Variants in RPL36AL observed in about 807,000 individuals in gnomAD.
The protein encoded by RPL36AL is ribosomal protein eL42-like.
RPL36AL carries 8 observed loss-of-function variants against 7.9 expected under a neutral mutation model. That is an observed-to-expected ratio of 1.02 (90% CI 0.60 to 1.84). The LOEUF (loss-of-function observed/expected upper bound fraction) is 1.84. Ranked by LOEUF, RPL36AL falls within the 40% of genes most tolerant of loss-of-function variation. The pLI, the probability that RPL36AL is intolerant of heterozygous loss-of-function variation, is 0.00. For synonymous variants in RPL36AL, 44 were observed against 44.8 expected (o/e 0.98, Z 0.07); for missense variants, 76 against 126.8 (o/e 0.60, Z 1.93).
At chr14:49,620,295 C>A (rs1882795307) in intron 1 of RPL36AL, among the ~76,000 whole-genome samples, 1 of 152,146 alleles carries the variant, frequency 6.6e-6, no homozygotes, top group Non-Finnish European at 1.5e-5. Flanking sequence ...AGAACCACAT[C>A]AGCGTAGTAT....
At chr14:49,619,185 C>T (rs1160888210) in intron 1 of RPL36AL, 45 bp from the exon 2 acceptor site, 19 of 1,334,600 alleles carry the variant, frequency 1.4e-5, no homozygotes, top group South Asian at 5.7e-5. Flanking sequence ...TTAAACATTC[C>T]GAAAAGTGAA....
Position 49,618,604 on chromosome 14 carries a change from A to G in RPL36AL, c.*180T>C, listed in dbSNP as rs1882735143. On this transcript the variant is annotated 3_prime_UTR_variant, in exon 2 of 2. Coordinates refer to ENST00000298289, the MANE Select transcript of RPL36AL (RefSeq NM_001001.5). ...AGTAGTAAAGTAGTATTTTCCCTTC[A>G]TACATATATAAACTTGTTAGTAAAG... 1.7e-6 allele frequency: 1 copy of G among 591,120 alleles called. No homozygotes were observed. The highest frequency in any genetic ancestry group is 2.1e-5 in the South Asian group (1 of 46,794). 36.6% of individuals were successfully genotyped at this position (591,120 alleles called of 1,614,324 possible).
rs754970382 is a variant in RPL36AL, at chr14:49,618,757, CA to C, written c.*26del. The C allele has an allele frequency of 5.1e-6, 8 of 1,580,076 alleles. No individual in the cohort carries two copies. The highest frequency in any genetic ancestry group is 6.9e-6 in the Non-Finnish European group (8 of 1,157,666). Reference sequence around the variant, plus strand: ...TTCTATGGCTTCACCATTTTCTCTTCAAAATTGAAGAAAAATATCCCAAAGT... The same window carrying C: ...TTCTATGGCTTCACCATTTTCTCTTCAAATTGAAGAAAAATATCCCAAAGT... On this transcript the variant is annotated 3_prime_UTR_variant, in exon 2 of 2. Transcript: ENST00000298289.
chr14:49,620,021 G>C (rs1882786897), intron 1 of RPL36AL, among the ~76,000 whole-genome samples: 1 of 152,060 alleles, frequency 6.6e-6, no homozygotes, highest in African/African-American at 2.4e-5. Context: ...TTCTCATATA[G>C]AACAAGACTC....
chr14:49,620,298 C>T (rs1158933731), intron 1 of RPL36AL, among the ~76,000 whole-genome samples: 1 of 152,090 alleles, frequency 6.6e-6, no homozygotes, highest in Non-Finnish European at 1.5e-5. Context: ...ACCACATCAG[C>T]GTAGTATCAC....
At chr14:49,620,098 A>G (rs1882789106) in intron 1 of RPL36AL, among the ~76,000 whole-genome samples, 1 of 152,170 alleles carries the variant, frequency 6.6e-6, no homozygotes, top group African/African-American at 2.4e-5. Flanking sequence ...AATGAGTTTA[A>G]TTTATTGTGA....
Position 49,618,615 on chromosome 14 carries a change from A to G in RPL36AL, c.*169T>C, listed in dbSNP as rs1882735377. 1.6e-6 allele frequency: 1 copy of G among 606,358 alleles called. No individual in the cohort carries two copies. Among genetic ancestry groups the G allele is most frequent in the East Asian group, 2.8e-5 (1 of 36,304 alleles). 37.6% of individuals were successfully genotyped at this position (606,358 alleles called of 1,614,324 possible). ...AGTATTTTCCCTTCATACATATATA[A>G]ACTTGTTAGTAAAGTTTGAGGTGGG... is the stretch of plus-strand genomic sequence containing the variant. On this transcript the variant is annotated 3_prime_UTR_variant, in exon 2 of 2. Coordinates refer to ENST00000298289, the MANE Select transcript of RPL36AL (RefSeq NM_001001.5).
rs559450217 is a variant in RPL36AL at position 49,618,542 on chromosome 14, AATTC to A, written c.*238_*241del. Reference sequence around the variant, plus strand: ...CCTTCTAAGCTGCTCAATGTTTATGAATTCATTCAACATTTGAAATTGACCAGAA... The same window carrying A: ...CCTTCTAAGCTGCTCAATGTTTATGAATTCAACATTTGAAATTGACCAGAA... On this transcript the variant is annotated 3_prime_UTR_variant, in exon 2 of 2. Coordinates refer to ENST00000298289, the MANE Select transcript of RPL36AL (RefSeq NM_001001.5). The A allele has an allele frequency of 2.0e-6, 1 of 501,232 alleles. No homozygotes were observed. Among genetic ancestry groups the A allele is most frequent in the Non-Finnish European group, 3.6e-6 (1 of 281,334 alleles). The allele number at this position is 501,232 out of a possible 1,614,324, so 31.0% of individuals were successfully genotyped here.
rs1470612026 is a variant in RPL36AL, at chr14:49,618,948, TTGTC to T, written c.153_156del (p.Thr52SerfsTer16). ...TTAGCCTTCTTCCGGAAAATTGGCT[TTGTC>T]TGCCCACCATAGCCACTCTGCTTCC... On this transcript the variant is annotated frameshift_variant, in exon 2 of 2. Transcript: ENST00000298289. LOFTEE classifies it high-confidence loss of function. 6.2e-7 allele frequency: 1 copy of T among 1,613,754 alleles called. No homozygotes were observed. Among genetic ancestry groups the T allele is most frequent in the Non-Finnish European group, 8.5e-7 (1 of 1,179,878 alleles).
Position 49,618,562 on chromosome 14 carries a change from T to C in RPL36AL, c.*222A>G, listed in dbSNP as rs1456823501. On this transcript the variant is annotated 3_prime_UTR_variant, in exon 2 of 2. Coordinates refer to ENST00000298289, the MANE Select transcript of RPL36AL (RefSeq NM_001001.5). ...TTATGAATTCATTCAACATTTGAAA[T>C]TGACCAGAAAACAAAAAGTAGTAAA... The C allele has an allele frequency of 9.3e-6, 5 of 535,092 alleles. No homozygotes were observed. The highest frequency in any genetic ancestry group is 6.4e-5 in the East Asian group (2 of 31,148). 33.1% of individuals were successfully genotyped at this position (535,092 alleles called of 1,614,324 possible). A position where few individuals can be genotyped will look rare whatever the true frequency, so the allele number is the denominator to read the frequency against.
rs1882747951 is a variant in RPL36AL at position 49,618,971 on chromosome 14, T to C, written c.134A>G (p.Gln45Arg). Residue 45 changes from glutamine to arginine, a missense_variant, in exon 2 of 2, where the codon CAG becomes CGG. Coordinates refer to ENST00000298289, the MANE Select transcript of RPL36AL (RefSeq NM_001001.5). ...CTTTGTCTGCCCACCATAGCCACTC[T>C]GCTTCCGATCATAGCGCCTCCTTCC... ...AQGRRRYDRK[Q>R]SGYGGQTKPI... 2 of 1,613,900 alleles carry C rather than the reference T, an allele frequency of 1.2e-6. No homozygotes were observed. Among genetic ancestry groups the C allele is most frequent in the Non-Finnish European group, 1.7e-6 (2 of 1,179,886 alleles).
Position 49,618,565 on chromosome 14 carries a change from A to C in RPL36AL, c.*219T>G, listed in dbSNP as rs1882734060. The C allele has an allele frequency of 3.7e-6, 2 of 539,530 alleles. No individual in the cohort carries two copies. The highest frequency in any genetic ancestry group is 6.6e-6 in the Non-Finnish European group (2 of 305,026). 33.4% of individuals were successfully genotyped at this position (539,530 alleles called of 1,614,324 possible). A position where few individuals can be genotyped will look rare whatever the true frequency, so the allele number is the denominator to read the frequency against. On this transcript the variant is annotated 3_prime_UTR_variant, in exon 2 of 2. Coordinates refer to ENST00000298289, the MANE Select transcript of RPL36AL (RefSeq NM_001001.5). Reference sequence around the variant, plus strand: ...TGAATTCATTCAACATTTGAAATTGACCAGAAAACAAAAAGTAGTAAAGTA... The same window carrying C: ...TGAATTCATTCAACATTTGAAATTGCCCAGAAAACAAAAAGTAGTAAAGTA...
intron 1 of RPL36AL, among the ~76,000 whole-genome samples, 180 bp downstream of exon 1, chr14:49,620,382 C>G (rs938002724): frequency 6.6e-6 from 1 of 152,236 alleles, no homozygotes; most frequent in South Asian, 2.1e-4. Flanking sequence ...CGGCGCGCCC[C>G]GCGATTCTAT....
intron 1 of RPL36AL, among the ~76,000 whole-genome samples, chr14:49,620,049 C>A (rs1338253095): frequency 6.6e-6 from 1 of 152,206 alleles, no homozygotes; most frequent in Non-Finnish European, 1.5e-5. Flanking sequence ...CCGACAGCAG[C>A]AGCTTTAGGA....
intron 1 of RPL36AL, 40 bp from the exon 2 acceptor site, chr14:49,619,180 C>T: frequency 7.2e-7 from 1 of 1,383,654 alleles, no homozygotes; most frequent in East Asian, 2.3e-5. Context: ...AGACGTTAAA[C>T]ATTCCGAAAA....
At chr14:49,620,052 C>T (rs1882787826) in intron 1 of RPL36AL, among the ~76,000 whole-genome samples, 1 of 152,192 alleles carries the variant, frequency 6.6e-6, no homozygotes, top group African/African-American at 2.4e-5. Flanking sequence ...ACAGCAGCAG[C>T]TTTAGGAGGC....
Position 49,618,661 on chromosome 14 carries a change from CTATT to C in RPL36AL, c.*119_*122del, listed in dbSNP as rs1882736776. On this transcript the variant is annotated 3_prime_UTR_variant, in exon 2 of 2. Transcript: ENST00000298289. The stretch of plus-strand genomic sequence containing the variant: ...GTGGGACTACACTAAACATGGAATT[CTATT>C]TATAAGTAAAAACCACAAAAAGTTT... 6 of 731,202 alleles carry C rather than the reference CTATT, an allele frequency of 8.2e-6. No homozygotes were observed. In the South Asian group the frequency reaches 9.1e-5, roughly 11 times the overall value. The allele number at this position is 731,202 out of a possible 1,614,324, so 45.3% of individuals were successfully genotyped here.
rs1460676275 is a variant in RPL36AL, at chr14:49,618,767, G to T, written c.*17C>A. The T allele has an allele frequency of 6.3e-7, 1 of 1,594,258 alleles. No homozygotes were observed. Among genetic ancestry groups the T allele is most frequent in the South Asian group, 1.1e-5 (1 of 88,580 alleles). Reference sequence around the variant, plus strand: ...TCACCATTTTCTCTTCAAAATTGAAGAAAAATATCCCAAAGTTTAGAACTG... The same window carrying T: ...TCACCATTTTCTCTTCAAAATTGAATAAAAATATCCCAAAGTTTAGAACTG... On this transcript the variant is annotated 3_prime_UTR_variant, in exon 2 of 2. Coordinates refer to ENST00000298289, the MANE Select transcript of RPL36AL (RefSeq NM_001001.5).
At chr14:49,619,526 T>A (rs182611516) in intron 1 of RPL36AL, among the ~76,000 whole-genome samples, 1 of 151,144 alleles carries the variant, frequency 6.6e-6, no homozygotes, top group East Asian at 2.0e-4. Context: ...GGTGCATACC[T>A]GTAAGGAGAA....
Sources: allele counts gnomAD v4.1 joint callset (sites outside exome capture counted in the v4.1 genomes callset), GRCh38; gene constraint gnomAD v4.1.1; transcripts MANE v1.5; gene names NCBI Gene and HGNC (gene_info 2026-07-23, HGNC 2026-07-21).